Variants in SH3RF1 observed in about 807,000 individuals in gnomAD.
The protein encoded by SH3RF1 is E3 ubiquitin-protein ligase SH3RF1.
SH3RF1 carries 32 observed loss-of-function variants against 74.0 expected under a neutral mutation model. The observed-to-expected ratio is 0.43, with a 90% CI of 0.33 to 0.58. SH3RF1 has a LOEUF of 0.58. Ranked by LOEUF, SH3RF1 falls within the 20% of genes least tolerant of loss-of-function variation. SH3RF1 has a pLI of 0.05. For synonymous variants in SH3RF1, 396 were observed against 439.6 expected (o/e 0.90, Z 1.24); for missense variants, 954 against 1,130.9 (o/e 0.84, Z 2.24).
At chr4:169,213,126 G>T (rs1429172718) in intron 2 of SH3RF1, among the ~76,000 whole-genome samples, 1 of 152,210 alleles carries the variant, frequency 6.6e-6, no homozygotes. Context: ...CTTCCAAAGT[G>T]ACTGTACCAT....
At chr4:169,207,647 C>T (rs930416381) in intron 2 of SH3RF1, among the ~76,000 whole-genome samples, 1 of 152,214 alleles carries the variant, frequency 6.6e-6, no homozygotes, top group African/African-American at 2.4e-5. Flanking sequence ...ATTCTTGAGG[C>T]AGTCCAGGTT....
chr4:169,130,204 A>G lies in SH3RF1; in HGVS notation c.1069-48T>C, dbSNP rs2126950979. The G allele has an allele frequency of 3.2e-6, 4 of 1,267,304 alleles. No individual in the cohort carries two copies. In the South Asian group the frequency reaches 6.6e-5, roughly 21 times the overall value. 78.5% of individuals were successfully genotyped at this position (1,267,304 alleles called of 1,614,324 possible). On this transcript the variant is annotated intron_variant, in intron 5 of 11. Coordinates refer to ENST00000284637, the MANE Select transcript of SH3RF1 (RefSeq NM_020870.4). The stretch of plus-strand genomic sequence containing the variant: ...TAAAAAGAAGACTATGTTTAATACA[A>G]CAGAATATACTGGCTAAACCTTAGA...
In SH3RF1 at chr4:169,122,137, G is replaced by T. The variant is rs1354777107; in HGVS notation, c.1309C>A (p.Gln437Lys). 6.2e-7 allele frequency: 1 copy of T among 1,612,948 alleles called. No homozygotes were observed. The highest frequency in any genetic ancestry group is 8.5e-7 in the Non-Finnish European group (1 of 1,180,038). The change falls in exon 7 of 12, where the codon CAG becomes AAG. Residue 437 changes from glutamine to lysine, a missense_variant. Around this residue, in one of 3 missense-constraint regions of SH3RF1, gnomAD observed 854 missense variants for 962.5 expected, o/e 0.89. Transcript: ENST00000284637. ...GPRPMAGSTD[Q>K]IAHLRPQTRP... ...GTCTGCGGCCGTAAATGTGCAATCT[G>T]GTCAGTGGATCCTGCCATGGGCCTC... is the stretch of plus-strand genomic sequence containing the variant.
At chr4:169,162,362 T>G (rs1261240137) in intron 2 of SH3RF1, among the ~76,000 whole-genome samples, 1 of 152,250 alleles carries the variant, frequency 6.6e-6, no homozygotes, top group Non-Finnish European at 1.5e-5. Context: ...TCACTACTAA[T>G]GTTTCAACTT....
chr4:169,240,755 C>T (rs925095955), intron 2 of SH3RF1, among the ~76,000 whole-genome samples: 1 of 152,142 alleles, frequency 6.6e-6, no homozygotes, highest in African/African-American at 2.4e-5. Context: ...GTCCATAACA[C>T]ATTATTACTA....
At chr4:169,114,128 C>T (rs1030015703) in intron 10 of SH3RF1, among the ~76,000 whole-genome samples, 3 of 152,056 alleles carry the variant, frequency 2.0e-5, no homozygotes, top group African/African-American at 2.4e-5. Context: ...TAGATGGTGC[C>T]GTAACAGGTT....
chr4:169,250,342 G>A (rs1473471974), intron 2 of SH3RF1, among the ~76,000 whole-genome samples: 1 of 151,574 alleles, frequency 6.6e-6, no homozygotes, highest in Non-Finnish European at 1.5e-5. Context: ...CTTGCGGCAA[G>A]ATTATTTTTT....
At chr4:169,235,217 C>A (rs1005735647) in intron 2 of SH3RF1, among the ~76,000 whole-genome samples, 1 of 152,108 alleles carries the variant, frequency 6.6e-6, no homozygotes, top group South Asian at 2.1e-4. Context: ...CTAAACAGTA[C>A]CCAAGTATCA....
intron 2 of SH3RF1, among the ~76,000 whole-genome samples, chr4:169,238,502 T>A (rs1047645363): frequency 6.6e-6 from 1 of 152,230 alleles, no homozygotes; most frequent in Non-Finnish European, 1.5e-5. Context: ...CTTGTCCTGA[T>A]AGATGCCTGT....
chr4:169,120,879 G>A lies in SH3RF1; in HGVS notation c.1457C>T (p.Thr486Ile). 6.2e-7 allele frequency: 1 copy of A among 1,614,198 alleles called. No individual in the cohort carries two copies. Among genetic ancestry groups the A allele is most frequent in the Non-Finnish European group, 8.5e-7 (1 of 1,180,038 alleles). Residue 486 changes from threonine to isoleucine, a missense_variant, in exon 8 of 12, where the codon ACA becomes ATA. By Grantham distance (89) the Thr-to-Ile change is moderately conservative (BLOSUM62 -1). Around this residue, in one of 3 missense-constraint regions of SH3RF1, gnomAD observed 854 missense variants for 962.5 expected, o/e 0.89. Coordinates refer to ENST00000284637, the MANE Select transcript of SH3RF1 (RefSeq NM_020870.4). ...CCCTATCTTGCTGGTATGCATGGATGTCCCTTTGAACCAGCCATCCTGGCA... is the reference window on the plus strand; with the variant it reads ...CCCTATCTTGCTGGTATGCATGGATATCCCTTTGAACCAGCCATCCTGGCA... ...ERCQDGWFKGTSMHTSKIGVF... is the reference protein window; with the variant it reads ...ERCQDGWFKGISMHTSKIGVF...
intron 2 of SH3RF1, among the ~76,000 whole-genome samples, chr4:169,201,064 GTA>G (rs1734899443): frequency 6.6e-6 from 1 of 151,932 alleles, no homozygotes; most frequent in African/African-American, 2.4e-5. Flanking sequence ...CAATAATACA[GTA>G]TTGTCACCAT....
In SH3RF1 at chr4:169,269,276, T is replaced by C; in HGVS notation, c.-64A>G. ...TCATAGTTGTGTGCATCCCTTAAAA[T>C]GACTCATGTAACATCCATTTCAGAC... On this transcript the variant is annotated 5_prime_UTR_variant, in exon 2 of 12. Transcript: ENST00000284637. The C allele has an allele frequency of 6.8e-7, 1 of 1,480,408 alleles. No individual in the cohort carries two copies. The highest frequency in any genetic ancestry group is 9.0e-7 in the Non-Finnish European group (1 of 1,115,128). 91.7% of individuals were successfully genotyped at this position (1,480,408 alleles called of 1,614,324 possible). A position where few individuals can be genotyped will look rare whatever the true frequency, so the allele number is the denominator to read the frequency against.
chr4:169,227,059 G>A (rs986537999), intron 2 of SH3RF1, among the ~76,000 whole-genome samples: 4 of 151,808 alleles, frequency 2.6e-5, no homozygotes, highest in Non-Finnish European at 5.9e-5. Context: ...CTAAATACTC[G>A]GGAGGCTGAG....
At chr4:169,223,074 C>T (rs1028432863) in intron 2 of SH3RF1, among the ~76,000 whole-genome samples, 2 of 152,178 alleles carry the variant, frequency 1.3e-5, no homozygotes, top group Non-Finnish European at 2.9e-5. Flanking sequence ...TGGCATCAGT[C>T]CTCCAACACG....
At chr4:169,217,862 C>CA (rs1561055796) in intron 2 of SH3RF1, among the ~76,000 whole-genome samples, 1 of 151,468 alleles carries the variant, frequency 6.6e-6, no homozygotes, top group East Asian at 1.9e-4. Flanking sequence ...TACCAAAAAA[C>CA]AAAAAAAAGT....
chr4:169,247,603 G>C (rs1455528584), intron 2 of SH3RF1, among the ~76,000 whole-genome samples: 1 of 152,178 alleles, frequency 6.6e-6, no homozygotes, highest in Non-Finnish European at 1.5e-5. Flanking sequence ...TGGGGGATAG[G>C]AGTACAACTA....
rs548245675 is a variant in SH3RF1, at chr4:169,107,149, G to A, written c.2196C>T (p.Pro732=). ...TGGGCGATGCTGGAGGAGACACGCG[G>A]GGCTTCCGTTTAGTGGAGGCGCCAG... ...LLSGASTKRK[P]RVSPPASPTL... The change falls in exon 11 of 12, where the codon CCC becomes CCT. Residue 732 remains proline (P), a synonymous_variant. Transcript: ENST00000284637. 7.5e-6 allele frequency: 12 copies of A among 1,593,702 alleles called. No homozygotes were observed. The East Asian group carries it at 2.7e-4, about 36-fold the overall frequency.
At chr4:169,175,040 T>C (rs1734396289) in intron 2 of SH3RF1, among the ~76,000 whole-genome samples, 1 of 152,204 alleles carries the variant, frequency 6.6e-6, no homozygotes, top group Non-Finnish European at 1.5e-5. Context: ...TTCCCCAATG[T>C]TGGTAAATAG....
At chr4:169,103,300 C>T (rs1365886600) in intron 11 of SH3RF1, among the ~76,000 whole-genome samples, 1 of 151,972 alleles carries the variant, frequency 6.6e-6, no homozygotes, top group Non-Finnish European at 1.5e-5. Context: ...TGCTTGTTCT[C>T]ATTATAATCT....
Sources: gnomAD v4.1 joint callset for allele counts (sites outside exome capture counted in the v4.1 genomes callset) on GRCh38, gnomAD v4.1.1 for gene constraint, gnomAD v4.1.1 regional missense constraint, MANE v1.5 for transcripts, NCBI Gene and HGNC (gene_info 2026-07-23, HGNC 2026-07-21) for gene names.